The following CYP2C18 variants were observed in gnomAD, a reference collection of about 807,000 sequenced individuals.
CYP2C18 encodes cytochrome P450 2C18.
CYP2C18 carries 38 observed loss-of-function variants against 41.3 expected under a neutral mutation model. The observed-to-expected ratio is 0.92, with a 90% CI of 0.71 to 1.21. The LOEUF (loss-of-function observed/expected upper bound fraction) is 1.21. Among genes scored for constraint, CYP2C18 ranks in the 50% most tolerant of loss-of-function variants. The probability of loss-of-function intolerance (pLI) is 0.00; values close to 1 mark genes in which losing one functional copy is unlikely to be tolerated. For synonymous variants in CYP2C18, 236 were observed against 210.0 expected (o/e 1.12, Z -1.07); for missense variants, 635 against 591.4 (o/e 1.07, Z -0.77).
chr10:94,697,379 T>A (rs929112995), intron 4 of CYP2C18, among the ~76,000 whole-genome samples: 1 of 152,168 alleles, frequency 6.6e-6, no homozygotes, highest in Non-Finnish European at 1.5e-5. Context: ...CCAGCCAAAC[T>A]AAGCTTCATA....
chr10:94,684,278 A>G (rs902422442), intron 1 of CYP2C18, among the ~76,000 whole-genome samples: 7 of 152,104 alleles, frequency 4.6e-5, no homozygotes, highest in African/African-American at 9.7e-5. Flanking sequence ...TTGCTGTCCA[A>G]TAGAACACCC....
Position 94,689,324 on chromosome 10 carries a change from T to A in CYP2C18, c.481+1050T>A, listed in dbSNP as rs113894987. Among the ~76,000 whole-genome samples the A allele has an allele frequency of 7.1e-3, 1,077 of 152,242 alleles. 11 individuals carry two copies. The highest frequency in any genetic ancestry group is 0.024 in the African/African-American group (1,006 of 41,550). On this transcript the variant is annotated intron_variant, in intron 3 of 8. Coordinates refer to ENST00000285979, the MANE Select transcript of CYP2C18 (RefSeq NM_000772.3). ...TCAGCTTTCTTTATATTTTCCTTCA[T>A]CTTTACTTGTGTATTAATCATGTTT...
At chr10:94,692,679 C>T (rs1284519321) in intron 3 of CYP2C18, among the ~76,000 whole-genome samples, 1 of 152,008 alleles carries the variant, frequency 6.6e-6, no homozygotes, top group Non-Finnish European at 1.5e-5. Context: ...GGGTATATAC[C>T]CAAAGGATTA....
intron 8 of CYP2C18, chr10:94,733,696 A>G (rs755128114): frequency 3.2e-5 from 21 of 654,008 alleles, no homozygotes; most frequent in Non-Finnish European, 4.0e-5. Flanking sequence ...GCCTCTAGAT[A>G]CATCACTGAG....
In CYP2C18 at chr10:94,698,940, A is replaced by G. The variant is rs58413456; in HGVS notation, c.642+3863A>G. Among the ~76,000 whole-genome samples, 1,185 of 152,340 alleles carry G rather than the reference A, an allele frequency of 7.8e-3. 19 individuals carry two copies. The highest frequency in any genetic ancestry group is 0.027 in the African/African-American group (1,141 of 41,570). Reference sequence around the variant, plus strand: ...CAAAAATAAACCAGGAAGAAGTTGAATCCCTGAATAGACCAATAACAGGCT... The same window carrying G: ...CAAAAATAAACCAGGAAGAAGTTGAGTCCCTGAATAGACCAATAACAGGCT... On this transcript the variant is annotated intron_variant, in intron 4 of 8. Coordinates refer to ENST00000285979, the MANE Select transcript of CYP2C18 (RefSeq NM_000772.3).
intron 5 of CYP2C18, among the ~76,000 whole-genome samples, chr10:94,715,481 C>T (rs1412860779): frequency 2.0e-5 from 3 of 152,078 alleles, no homozygotes; most frequent in African/African-American, 2.4e-5. Flanking sequence ...TGCTGGATTA[C>T]ATTTATTGAT....
intron 4 of CYP2C18, among the ~76,000 whole-genome samples, chr10:94,703,847 C>T (rs895840289): frequency 6.6e-6 from 1 of 152,102 alleles, no homozygotes; most frequent in Non-Finnish European, 1.5e-5. Flanking sequence ...GTGCTTGAAA[C>T]CCAGGGCCCT....
rs566592077 is a variant in CYP2C18, at chr10:94,699,402, A to G, written c.642+4325A>G. Among the ~76,000 whole-genome samples the G allele has an allele frequency of 2.4e-3, 360 of 152,302 alleles. 1 individual carries two copies. Among genetic ancestry groups the G allele is most frequent in the African/African-American group, 8.3e-3 (346 of 41,572 alleles). On this transcript the variant is annotated intron_variant, in intron 4 of 8. Coordinates refer to ENST00000285979, the MANE Select transcript of CYP2C18 (RefSeq NM_000772.3). ...ACCACATGATTACCTCAATAGATGC[A>G]GAAAAGGCCTTTGACAAAATTCAAC... is the stretch of plus-strand genomic sequence containing the variant.
chr10:94,702,978 A>T (rs1847272503), intron 4 of CYP2C18, among the ~76,000 whole-genome samples: 1 of 152,042 alleles, frequency 6.6e-6, no homozygotes, highest in Non-Finnish European at 1.5e-5. Context: ...TTTTCCTCCT[A>T]ACAGTCAGGC....
intron 8 of CYP2C18, 132 bp from the exon 9 acceptor site, chr10:94,735,131 C>A: frequency 1.1e-6 from 1 of 888,876 alleles, no homozygotes; most frequent in Non-Finnish European, 1.7e-6. Context: ...GTGTATCCAG[C>A]CATCCTTCCA....
chr10:94,686,147 T>C (rs1216347477), intron 1 of CYP2C18, among the ~76,000 whole-genome samples: 1 of 152,136 alleles, frequency 6.6e-6, no homozygotes, highest in African/African-American at 2.4e-5. Context: ...TATTTTTTGA[T>C]GCTACTATAA....
intron 7 of CYP2C18, among the ~76,000 whole-genome samples, chr10:94,727,455 AAAT>A (rs1439574336): frequency 6.6e-6 from 1 of 152,044 alleles, no homozygotes; most frequent in East Asian, 1.9e-4. Flanking sequence ...TCTCTACAAA[AAAT>A]AAAAAAATTA....
chr10:94,696,606 A>G (rs919501070), intron 4 of CYP2C18, among the ~76,000 whole-genome samples: 6 of 152,210 alleles, frequency 3.9e-5, no homozygotes, highest in Admixed American at 3.9e-4. Context: ...GCTCCTCACC[A>G]GCAACAGAAC....
chr10:94,704,537 TAAGG>T (rs1011268509), intron 4 of CYP2C18, among the ~76,000 whole-genome samples: 1 of 151,154 alleles, frequency 6.6e-6, no homozygotes, highest in Non-Finnish European at 1.5e-5. Flanking sequence ...TGGAAGGAAG[TAAGG>T]AAAGGAAGGA....
intron 5 of CYP2C18, among the ~76,000 whole-genome samples, chr10:94,715,112 A>G (rs1847515779): frequency 6.6e-6 from 1 of 152,200 alleles, no homozygotes; most frequent in Admixed American, 6.5e-5. Flanking sequence ...ATATACAATC[A>G]TGTCATCTAC....
At chr10:94,730,966 C>A (rs1407303852) in intron 7 of CYP2C18, among the ~76,000 whole-genome samples, 1 of 152,112 alleles carries the variant, frequency 6.6e-6, no homozygotes, top group African/African-American at 2.4e-5. Context: ...TACATCTAAC[C>A]AAGGAAGTGA....
At chr10:94,687,499 T>A (rs189107757) in intron 1 of CYP2C18, among the ~76,000 whole-genome samples, 1 of 152,324 alleles carries the variant, frequency 6.6e-6, no homozygotes, top group African/African-American at 2.4e-5. Context: ...AAATACAATC[T>A]GTCTTATCTG....
chr10:94,690,143 C>T (rs1328485775), intron 3 of CYP2C18, among the ~76,000 whole-genome samples: 6 of 152,086 alleles, frequency 3.9e-5, no homozygotes, highest in Non-Finnish European at 5.9e-5. Context: ...GCAACCTGAT[C>T]GGTTGACCTC....
At chr10:94,697,823 T>C (rs904806293) in intron 4 of CYP2C18, among the ~76,000 whole-genome samples, 13 of 151,856 alleles carry the variant, frequency 8.6e-5, no homozygotes, top group African/African-American at 2.9e-4. Flanking sequence ...AAGGCAGGGG[T>C]TGCAATCCTA....
Sources: gnomAD v4.1 joint callset for allele counts (sites outside exome capture counted in the v4.1 genomes callset) on GRCh38, gnomAD v4.1.1 for gene constraint, MANE v1.5 for transcripts, NCBI Gene and HGNC (gene_info 2026-07-23, HGNC 2026-07-21) for gene names.